The following PTBP3 variants were observed in gnomAD, a reference collection of about 807,000 sequenced individuals.
PTBP3 encodes polypyrimidine tract-binding protein 3.
PTBP3 carries 20 observed loss-of-function variants against 58.7 expected under a neutral mutation model. The ratio of observed to expected loss-of-function variants is 0.34; its 90% CI spans 0.24 to 0.50. The LOEUF (loss-of-function observed/expected upper bound fraction) is 0.50. PTBP3 is among the 20% of genes least tolerant of loss of function. PTBP3 has a pLI of 0.98. For synonymous variants in PTBP3, 185 were observed against 219.8 expected (o/e 0.84, Z 1.40); for missense variants, 509 against 637.2 (o/e 0.80, Z 2.17).
At chr9:112,224,016 T>C (rs1834892029) in intron 13 of PTBP3, 33 bp from the exon 14 acceptor site, 1 of 1,598,046 alleles carries the variant, frequency 6.3e-7, no homozygotes, top group East Asian at 2.2e-5. Flanking sequence ...AGAAAGTATT[T>C]AGAATGAATT....
intron 1 of PTBP3, among the ~76,000 whole-genome samples, chr9:112,328,607 T>G (rs532675365): frequency 3.9e-5 from 6 of 152,282 alleles, no homozygotes; most frequent in Non-Finnish European, 5.9e-5. Context: ...GGCCAAGAGT[T>G]TGAGACCAGC....
chr9:112,224,026 T>C (rs1834892474), intron 13 of PTBP3, 43 bp from the exon 14 acceptor site: 3 of 1,593,260 alleles, frequency 1.9e-6, no homozygotes, highest in Non-Finnish European at 2.6e-6. Flanking sequence ...TAGAATGAAT[T>C]TTGCTTCCAA....
At chr9:112,273,447 T>G (rs1827472159) in intron 3 of PTBP3, among the ~76,000 whole-genome samples, 1 of 152,232 alleles carries the variant, frequency 6.6e-6, no homozygotes, top group Admixed American at 6.5e-5. Context: ...ACAATAATAT[T>G]CACTGTATGG....
chr9:112,225,379 G>C (rs1462309795), intron 12 of PTBP3, among the ~76,000 whole-genome samples: 1 of 152,104 alleles, frequency 6.6e-6, no homozygotes, highest in Non-Finnish European at 1.5e-5. Flanking sequence ...CAACAACATA[G>C]AATAGTGGAT....
the PTBP3 span, among the ~76,000 whole-genome samples, chr9:112,358,173 G>A: frequency 6.6e-6 from 1 of 152,088 alleles, no homozygotes; most frequent in Non-Finnish European, 1.5e-5. Flanking sequence ...AGCTGGGCGT[G>A]GTGGCAGGTG....
the PTBP3 span, among the ~76,000 whole-genome samples, chr9:112,361,395 A>G: frequency 6.6e-6 from 1 of 152,176 alleles, no homozygotes; most frequent in Non-Finnish European, 1.5e-5. Flanking sequence ...CATGGCACCC[A>G]GCCTAAACTT....
chr9:112,367,704 C>G, the PTBP3 span, among the ~76,000 whole-genome samples: 1 of 152,078 alleles, frequency 6.6e-6, no homozygotes, highest in East Asian at 1.9e-4. Flanking sequence ...TTCCTTTTCT[C>G]TTGCTGCTTT....
chr9:112,226,715 G>C (rs908957693), intron 12 of PTBP3, among the ~76,000 whole-genome samples: 4 of 152,198 alleles, frequency 2.6e-5, no homozygotes, highest in African/African-American at 9.6e-5. Context: ...TAAGTAACAC[G>C]TAAGTGAATG....
chr9:112,320,630 G>A (rs1269440064), intron 1 of PTBP3, among the ~76,000 whole-genome samples: 1 of 151,760 alleles, frequency 6.6e-6, no homozygotes. Context: ...AAAACAACTC[G>A]ACTTTAAGAT....
chr9:112,317,477 T>C (rs1482584519), intron 1 of PTBP3, among the ~76,000 whole-genome samples: 1 of 151,892 alleles, frequency 6.6e-6, no homozygotes, highest in East Asian at 1.9e-4. Flanking sequence ...AGAGTAAAAC[T>C]GATGAAATTC....
rs199526349 is a variant in PTBP3, at chr9:112,236,365, AGG to A, written c.803-1470_803-1469del. On this transcript the variant is annotated intron_variant, in intron 7 of 13. Transcript: ENST00000374257. ...ATATCATGAGCTAAGCATTCTAGTG[AGG>A]AGTCTGAACAAAGCAGACAAGATTT... Among the ~76,000 whole-genome samples, 334 of 152,002 alleles carry A rather than the reference AGG, an allele frequency of 2.2e-3. 2 individuals carry two copies. The highest frequency in any genetic ancestry group is 7.8e-3 in the African/African-American group (321 of 41,294).
chr9:112,262,716 T>A, intron 4 of PTBP3, 117 bp from the exon 5 acceptor site: 1 of 909,072 alleles, frequency 1.1e-6, no homozygotes, highest in African/African-American at 1.7e-5. Flanking sequence ...AAGATTTATC[T>A]ACTCCGTCTG....
intron 6 of PTBP3, 103 bp from the exon 7 acceptor site, chr9:112,251,206 G>A: frequency 1.0e-6 from 1 of 952,598 alleles, no homozygotes; most frequent in South Asian, 3.3e-5. Flanking sequence ...AAGGCAGAAA[G>A]CACTGACTAA....
intron 1 of PTBP3, among the ~76,000 whole-genome samples, chr9:112,303,877 A>ATCAG (rs1490672547): frequency 6.7e-6 from 1 of 149,174 alleles, no homozygotes; most frequent in East Asian, 1.9e-4. Context: ...CAATCAATCA[A>ATCAG]TACTACAGGC....
intron 5 of PTBP3, among the ~76,000 whole-genome samples, chr9:112,253,811 C>G (rs564614092): frequency 6.6e-6 from 1 of 152,168 alleles, no homozygotes; most frequent in Admixed American, 6.5e-5. Context: ...CCTTCGCCTT[C>G]TGCCATGACT....
At chr9:112,375,899 G>C in the PTBP3 span, among the ~76,000 whole-genome samples, 2 of 152,108 alleles carry the variant, frequency 1.3e-5, no homozygotes, top group Non-Finnish European at 2.9e-5. Context: ...AAGGAGAGTA[G>C]TTATCTGCAG....
At chr9:112,277,932 A>G (rs77899773) in intron 2 of PTBP3, among the ~76,000 whole-genome samples, 1 of 89,770 alleles carries the variant, frequency 1.1e-5, no homozygotes, top group South Asian at 3.9e-4. Context: ...ATAACATAAC[A>G]TAACATAACA....
rs1834893912 is a variant in PTBP3, at chr9:112,224,073, T to C, written c.1442+60A>G. 3.9e-6 allele frequency: 6 copies of C among 1,550,422 alleles called. 1 individual carries two copies. In the South Asian group the frequency reaches 7.0e-5, roughly 18 times the overall value. ...CACCAGAAGACTTCACTGAACTACCTTTAAAATTTGCATACCATATTAAAT... is the reference window on the plus strand; with the variant it reads ...CACCAGAAGACTTCACTGAACTACCCTTAAAATTTGCATACCATATTAAAT... On this transcript the variant is annotated intron_variant, in intron 13 of 13. Coordinates refer to ENST00000374257, the MANE Select transcript of PTBP3 (RefSeq NM_001163788.4).
intron 5 of PTBP3, among the ~76,000 whole-genome samples, chr9:112,256,388 T>C (rs1399966861): frequency 6.6e-6 from 1 of 151,112 alleles, no homozygotes; most frequent in Non-Finnish European, 1.5e-5. Flanking sequence ...GACTGAAGGC[T>C]CCTTGAAGGA....
Sources: allele counts gnomAD v4.1 joint callset (sites outside exome capture counted in the v4.1 genomes callset), GRCh38; gene constraint gnomAD v4.1.1; transcripts MANE v1.5; gene names NCBI Gene and HGNC (gene_info 2026-07-23, HGNC 2026-07-21).